The following NOX3 variants were observed in gnomAD, a reference collection of about 807,000 sequenced individuals.
NOX3 encodes NADPH oxidase catalytic subunit-like 3.
Under a neutral mutation model 76.7 loss-of-function variants are expected in NOX3, and 74 were observed. The observed-to-expected ratio is 0.96, with a 90% CI of 0.80 to 1.17. The LOEUF is 1.17. NOX3 is among the 50% of genes most tolerant of loss of function. The pLI is 0.00. For missense variants in NOX3, 695 were observed against 703.3 expected (o/e 0.99, Z 0.13); for synonymous variants, 263 against 261.1 (o/e 1.01, Z -0.07).
At position 155,412,595 on chromosome 6, in the gene NOX3, A is replaced by G. The variant is rs116735755; in HGVS notation, c.1309-1235T>C. Reference sequence around the variant, plus strand: ...AAATAATCCCTCAGTCTCTAAGCACAATGACCTGCTTTTCTCAGGAAGAGA... The same window carrying G: ...AAATAATCCCTCAGTCTCTAAGCACGATGACCTGCTTTTCTCAGGAAGAGA... On this transcript the variant is annotated intron_variant, in intron 10 of 13. Coordinates refer to ENST00000159060, the MANE Select transcript of NOX3 (RefSeq NM_015718.3). Among the ~76,000 whole-genome samples the G allele has an allele frequency of 7.9e-3, 1,210 of 152,284 alleles. 13 individuals carry two copies. Among genetic ancestry groups the G allele is most frequent in the African/African-American group, 0.028 (1,170 of 41,546 alleles).
chr6:155,454,293 G>A (rs1399129667), intron 3 of NOX3, among the ~76,000 whole-genome samples: 1 of 152,122 alleles, frequency 6.6e-6, no homozygotes, highest in Non-Finnish European at 1.5e-5. Flanking sequence ...AGTTTTTGAA[G>A]GTCTCATTCT....
Position 155,422,776 on chromosome 6 carries a change from A to G in NOX3, c.1226T>C (p.Ile409Thr), listed in dbSNP as rs779932245. The change falls in exon 10 of 14, where the codon ATC (isoleucine) becomes ACC (threonine). Residue 409 changes from isoleucine to threonine, a missense_variant. Physicochemically the swap from Ile to Thr is moderately conservative, Grantham distance 89 (BLOSUM62 -1). Transcript: ENST00000159060. Reference protein sequence around the residue: ...YPVCVCVAAGIGVTPFAALLK... With the variant: ...YPVCVCVAAGTGVTPFAALLK... ...AAGAGCAGCGAAGGGAGTGACTCCG[A>G]TCCCCGCGGCAACGCACACACACAC... The G allele has an allele frequency of 3.1e-6, 5 of 1,614,050 alleles. No homozygotes were observed. In the South Asian group the frequency reaches 3.3e-5, roughly 11 times the overall value.
intron 5 of NOX3, among the ~76,000 whole-genome samples, chr6:155,441,580 G>C (rs1200021047): frequency 6.6e-6 from 1 of 152,108 alleles, no homozygotes; most frequent in African/African-American, 2.4e-5. Context: ...CTGTGTTATT[G>C]ATACTCATCT....
intron 9 of NOX3, among the ~76,000 whole-genome samples, chr6:155,424,752 T>C (rs1776735093): frequency 6.6e-6 from 1 of 152,198 alleles, no homozygotes; most frequent in Admixed American, 6.5e-5. Context: ...CTGTAGATTA[T>C]TCCATAAATA....
chr6:155,408,793 T>A (rs932206727), intron 11 of NOX3, among the ~76,000 whole-genome samples: 1 of 152,182 alleles, frequency 6.6e-6, no homozygotes, highest in African/African-American at 2.4e-5. Context: ...GAAATCATGT[T>A]CTTTGCAGCA....
At chr6:155,431,999 T>A (rs1275354728) in intron 7 of NOX3, among the ~76,000 whole-genome samples, 3 of 152,310 alleles carry the variant, frequency 2.0e-5, no homozygotes, top group Non-Finnish European at 4.4e-5. Flanking sequence ...ACTCATGAAC[T>A]CATTGAATTT....
In NOX3 at chr6:155,455,778, T is replaced by C. The variant is rs200245496; in HGVS notation, c.23A>G (p.Asn8Ser). Residue 8 changes from asparagine to serine, a missense_variant, in exon 1 of 14, where the codon AAT (asparagine) becomes AGT (serine). Transcript: ENST00000159060. The stretch of plus-strand genomic sequence containing the variant: ...TACTAATATGGTGGAGAGACCCTCA[T>C]TCAAAATCCAGCACCCCATCATGAT... Reference protein sequence around the residue: MMGCWILNEGLSTILVLS... With the variant: MMGCWILSEGLSTILVLS... 2.4e-4 allele frequency: 387 copies of C among 1,613,762 alleles called. 1 individual carries two copies. Among genetic ancestry groups the C allele is most frequent in the Non-Finnish European group, 1.9e-4 (225 of 1,179,780 alleles).
intron 6 of NOX3, among the ~76,000 whole-genome samples, chr6:155,436,935 CA>C (rs1479700576): frequency 1.3e-5 from 2 of 152,144 alleles, no homozygotes; most frequent in Non-Finnish European, 2.9e-5. Flanking sequence ...GGTTCTTTTG[CA>C]GATTTATTTA....
intron 9 of NOX3, among the ~76,000 whole-genome samples, chr6:155,424,286 A>G (rs1412737827): frequency 6.6e-6 from 1 of 150,692 alleles, no homozygotes; most frequent in Non-Finnish European, 1.5e-5. Flanking sequence ...GAGGTCTAGG[A>G]AAGTAGGAGT....
chr6:155,418,151 C>T (rs895201163), intron 10 of NOX3, among the ~76,000 whole-genome samples: 1 of 152,118 alleles, frequency 6.6e-6, no homozygotes, highest in African/African-American at 2.4e-5. Flanking sequence ...CAGCAATCCT[C>T]CCCCTCCCTC....
chr6:155,403,331 G>A (rs1779259532), intron 12 of NOX3, among the ~76,000 whole-genome samples: 1 of 152,138 alleles, frequency 6.6e-6, no homozygotes, highest in Admixed American at 6.5e-5. Context: ...TCTTTTCCCA[G>A]GGATCTGGCA....
rs1776548080 is a variant in NOX3, at chr6:155,411,311, G to T, written c.1358C>A (p.Ala453Asp). The change falls in exon 11 of 14, where the codon GCT (alanine) becomes GAT (aspartate). Residue 453 changes from alanine to aspartate, a missense_variant. Coordinates refer to ENST00000159060, the MANE Select transcript of NOX3 (RefSeq NM_015718.3). ...TGTTTCCAGGGAGAGTAAGAGATCA[G>T]CAAACCACTCAAAAGCTCTTGCATC... ...CRDARAFEWF[A>D]DLLLSLETRM... 5 of 1,613,910 alleles carry T rather than the reference G, an allele frequency of 3.1e-6. No individual in the cohort carries two copies. The highest frequency in any genetic ancestry group is 4.2e-6 in the Non-Finnish European group (5 of 1,179,964).
intron 11 of NOX3, among the ~76,000 whole-genome samples, chr6:155,408,659 T>G (rs912435851): frequency 6.6e-5 from 10 of 152,122 alleles, no homozygotes; most frequent in Non-Finnish European, 2.9e-5. Context: ...ACTCATATGT[T>G]CATCACAGCA....
At chr6:155,412,415 T>A (rs975612533) in intron 10 of NOX3, among the ~76,000 whole-genome samples, 3 of 152,222 alleles carry the variant, frequency 2.0e-5, no homozygotes, top group Non-Finnish European at 2.9e-5. Context: ...AAACATCTTG[T>A]CTATTCTCTT....
chr6:155,445,346 C>T (rs903509010), intron 4 of NOX3, among the ~76,000 whole-genome samples: 4 of 152,090 alleles, frequency 2.6e-5, no homozygotes, highest in African/African-American at 7.2e-5. Flanking sequence ...CGGGATCCTC[C>T]GTGGTTGTAC....
chr6:155,439,847 C>T (rs189032172), intron 6 of NOX3, 109 bp downstream of exon 6: 36 of 878,668 alleles, frequency 4.1e-5, no homozygotes, highest in South Asian at 1.2e-4. Flanking sequence ...ACACATTATA[C>T]GAGTCCTGTA....
chr6:155,409,904 C>A (rs1776519408), intron 11 of NOX3, among the ~76,000 whole-genome samples: 1 of 152,106 alleles, frequency 6.6e-6, no homozygotes, highest in Non-Finnish European at 1.5e-5. Flanking sequence ...CTTCAGTTCT[C>A]AGTTATGAGA....
At chr6:155,432,825 G>A (rs1776852534) in intron 7 of NOX3, among the ~76,000 whole-genome samples, 1 of 152,180 alleles carries the variant, frequency 6.6e-6, no homozygotes, top group African/African-American at 2.4e-5. Flanking sequence ...GGATGAGGTG[G>A]TGAAGATGAA....
At chr6:155,428,625 T>C (rs1356244789) in intron 9 of NOX3, among the ~76,000 whole-genome samples, 169 bp downstream of exon 9, 1 of 150,326 alleles carries the variant, frequency 6.7e-6, no homozygotes, top group Non-Finnish European at 1.5e-5. Flanking sequence ...GATGTGTGTC[T>C]CCTAGAAGTC....
Sources: allele counts gnomAD v4.1 joint callset (sites outside exome capture counted in the v4.1 genomes callset), GRCh38; gene constraint gnomAD v4.1.1; transcripts MANE v1.5; gene names NCBI Gene and HGNC (gene_info 2026-07-23, HGNC 2026-07-21).